Variants in TBC1D4 observed in about 807,000 individuals in gnomAD.
The protein encoded by TBC1D4 is TBC1 domain family member 4.
In TBC1D4, 121 loss-of-function variants were observed where a neutral mutation model predicts 142.5. The ratio of observed to expected loss-of-function variants is 0.85; its 90% CI spans 0.73 to 0.99. TBC1D4 has a LOEUF of 0.99. Among genes scored for constraint, TBC1D4 ranks in the 50% least tolerant of loss-of-function variants. The pLI is 0.00. For missense variants in TBC1D4, 1,475 were observed against 1,606.6 expected (o/e 0.92, Z 1.40); for synonymous variants, 630 against 628.2 (o/e 1.00, Z -0.04).
chr13:75,337,006 G>A lies in TBC1D4; in HGVS notation c.1646C>T (p.Thr549Ile). 2 of 1,613,232 alleles carry A rather than the reference G, an allele frequency of 1.2e-6. No homozygotes were observed. The highest frequency in any genetic ancestry group is 1.7e-6 in the Non-Finnish European group (2 of 1,179,526). ...GTCAAGTTTGAACCTTCCACTGCTT[G>A]TTGCATTTTCTGGGATTGTACTATT... ...ISNSTIPENA[T>I]SSGRFKLDIL... Residue 549 changes from threonine (T) to isoleucine (I), a missense_variant, in exon 8 of 21, where the codon ACA becomes ATA. Physicochemically the swap from Thr to Ile is moderately conservative, Grantham distance 89 (BLOSUM62 -1). Around this residue, in one of 2 missense-constraint regions of TBC1D4, gnomAD observed 1,227 missense variants for 1,267.7 expected, o/e 0.97. Transcript: ENST00000377636.
chr13:75,401,965 G>A (rs1051556239), intron 1 of TBC1D4, among the ~76,000 whole-genome samples: 2 of 152,168 alleles, frequency 1.3e-5, no homozygotes, highest in African/African-American at 4.8e-5. Context: ...TTGCTGAAGT[G>A]AACACTTCAA....
intron 13 of TBC1D4, among the ~76,000 whole-genome samples, chr13:75,311,320 G>A (rs1010369779): frequency 6.6e-6 from 1 of 152,098 alleles, no homozygotes; most frequent in African/African-American, 2.4e-5. Flanking sequence ...TTCCAGCAAC[G>A]AGTTTAAATA....
intron 1 of TBC1D4, among the ~76,000 whole-genome samples, chr13:75,385,601 T>C (rs1357270706): frequency 1.3e-5 from 2 of 152,240 alleles, no homozygotes; most frequent in Non-Finnish European, 2.9e-5. Context: ...CTGGGAAAGT[T>C]AGCTCTTTGC....
intron 4 of TBC1D4, among the ~76,000 whole-genome samples, chr13:75,353,778 A>AT: frequency 1.3e-5 from 2 of 152,288 alleles, no homozygotes; most frequent in Middle Eastern, 6.8e-3. Flanking sequence ...AAAAAAAGAG[A>AT]TAACTAAAGC....
intron 11 of TBC1D4, among the ~76,000 whole-genome samples, chr13:75,323,008 T>A (rs1468914109): frequency 6.6e-6 from 1 of 152,148 alleles, no homozygotes; most frequent in Non-Finnish European, 1.5e-5. Flanking sequence ...TAATCCAGTA[T>A]TAGTTATCTT....
chr13:75,460,308 C>T (rs888801595), intron 1 of TBC1D4, among the ~76,000 whole-genome samples: 2 of 152,002 alleles, frequency 1.3e-5, no homozygotes, highest in African/African-American at 4.8e-5. Flanking sequence ...CTCAATAAAG[C>T]CATAAACAGG....
intron 13 of TBC1D4, 79 bp from the exon 14 acceptor site, chr13:75,310,230 A>C: frequency 7.4e-5 from 102 of 1,386,850 alleles, no homozygotes; most frequent in Non-Finnish European, 9.3e-5. Flanking sequence ...TCACATTCTC[A>C]TCTGATCTTC....
chr13:75,343,561 G>A (rs911997451), intron 5 of TBC1D4, among the ~76,000 whole-genome samples: 18 of 151,488 alleles, frequency 1.2e-4, no homozygotes, highest in Admixed American at 9.9e-4. Flanking sequence ...CTCGTTGCCC[G>A]GGCTGGAGTG....
chr13:75,470,308 T>C lies in TBC1D4; in HGVS notation c.498+10962A>G, dbSNP rs573285581. On this transcript the variant is annotated intron_variant, in intron 1 of 20. Coordinates refer to ENST00000377636, the MANE Select transcript of TBC1D4 (RefSeq NM_014832.5). ...TGAGCTGGGCTGTGTTCAAATAAAC[T>C]GTATTTACAAAAATAAAGGCTATAG... Among the ~76,000 whole-genome samples, 25 of 152,290 alleles carry C rather than the reference T, an allele frequency of 1.6e-4. 1 individual carries two copies. In the South Asian group the frequency reaches 5.2e-3, roughly 32 times the overall value.
intron 12 of TBC1D4, among the ~76,000 whole-genome samples, chr13:75,319,349 A>G (rs930453730): frequency 2.0e-5 from 3 of 152,192 alleles, no homozygotes; most frequent in African/African-American, 4.8e-5. Flanking sequence ...AACATGTAGA[A>G]ACTGGAATAA....
At chr13:75,470,527 A>C (rs1243289841) in intron 1 of TBC1D4, among the ~76,000 whole-genome samples, 1 of 152,166 alleles carries the variant, frequency 6.6e-6, no homozygotes, top group African/African-American at 2.4e-5. Flanking sequence ...GGAGTCCTAA[A>C]TTTGAGAATC....
intron 1 of TBC1D4, among the ~76,000 whole-genome samples, chr13:75,480,151 G>A (rs1888777859): frequency 6.6e-6 from 1 of 151,964 alleles, no homozygotes; most frequent in Non-Finnish European, 1.5e-5. Context: ...TTCAATTACA[G>A]ACAGAAGAAT....
chr13:75,439,818 C>G (rs1051667432), intron 1 of TBC1D4, among the ~76,000 whole-genome samples: 1 of 151,908 alleles, frequency 6.6e-6, no homozygotes, highest in Non-Finnish European at 1.5e-5. Context: ...AGGAGAATCA[C>G]TTGAACCCGG....
intron 1 of TBC1D4, among the ~76,000 whole-genome samples, chr13:75,433,379 A>G (rs1886666627): frequency 6.6e-6 from 1 of 152,162 alleles, no homozygotes; most frequent in Non-Finnish European, 1.5e-5. Flanking sequence ...TCTTTGTACA[A>G]TCTGTTCCGA....
chr13:75,341,793 C>G (rs1880727530), intron 5 of TBC1D4, among the ~76,000 whole-genome samples: 1 of 152,204 alleles, frequency 6.6e-6, no homozygotes, highest in Admixed American at 6.5e-5. Context: ...AAATCAACAG[C>G]CCCCAGTAGT....
At chr13:75,456,374 C>G (rs4883998) in intron 1 of TBC1D4, among the ~76,000 whole-genome samples, 121,966 of 152,098 alleles carry the variant, frequency 0.8, 50,126 homozygotes, top group South Asian at 0.91. Flanking sequence ...GAATGAAAAT[C>G]GAAGCAACAA....
intron 1 of TBC1D4, among the ~76,000 whole-genome samples, chr13:75,468,224 G>A (rs564566512): frequency 1.3e-5 from 2 of 152,182 alleles, no homozygotes; most frequent in South Asian, 4.2e-4. Context: ...AATTTCTTGG[G>A]TCTAGTCCAG....
chr13:75,371,959 T>C (rs1883247103), intron 1 of TBC1D4, among the ~76,000 whole-genome samples: 2 of 152,246 alleles, frequency 1.3e-5, no homozygotes, highest in African/African-American at 4.8e-5. Flanking sequence ...AATAACCTTA[T>C]GTTTCTTTCC....
intron 1 of TBC1D4, among the ~76,000 whole-genome samples, chr13:75,392,688 T>A (rs193149363): frequency 2.6e-5 from 4 of 151,378 alleles, no homozygotes; most frequent in Non-Finnish European, 5.9e-5. Flanking sequence ...CCAGCTGGAG[T>A]GCAGTGGCAG....
Sources: allele counts gnomAD v4.1 joint callset (sites outside exome capture counted in the v4.1 genomes callset), GRCh38; gene constraint gnomAD v4.1.1; regional missense constraint gnomAD v4.1.1; transcripts MANE v1.5; gene names NCBI Gene and HGNC (gene_info 2026-07-23, HGNC 2026-07-21).